XRCC4: variants seen among roughly 807,000 people sequenced by gnomAD.
The protein encoded by XRCC4 is X-ray repair cross complementing 4.
XRCC4 carries 28 observed loss-of-function variants against 39.1 expected under a neutral mutation model. The observed-to-expected ratio is 0.72, with a 90% CI of 0.53 to 0.98. XRCC4 has a LOEUF of 0.98. XRCC4 is among the 50% of genes least tolerant of loss of function. XRCC4 has a pLI of 0.00. For synonymous variants in XRCC4, 123 were observed against 126.4 expected, an observed-to-expected ratio of 0.97 and a Z score of 0.18; for missense variants, 350 against 376.4, an observed-to-expected ratio of 0.93 and a Z score of 0.58.
At position 83,111,062 on chromosome 5, in the gene XRCC4, C is replaced by T. The variant is rs1220566267; in HGVS notation, c.174C>T (p.Asp58=). The part of the protein sequence containing the change: ...SESEISQEAD[D]MAMEKGKYVG... The stretch of plus-strand genomic sequence containing the variant: ...CAGAGATTTCCCAAGAAGCTGATGA[C>T]ATGGCAATGGAAAAAGGGAAATATG... The change falls in exon 3 of 8, where the codon GAC becomes GAT. Residue 58 remains aspartate (D), a synonymous_variant. Coordinates refer to ENST00000396027, the MANE Select transcript of XRCC4 (RefSeq NM_003401.5). 7 of 1,609,754 alleles carry T rather than the reference C, an allele frequency of 4.3e-6. No homozygotes were observed. The highest frequency in any genetic ancestry group is 1.3e-5 in the African/African-American group (1 of 74,620).
At chr5:83,252,041 A>T (rs1753340699) in intron 6 of XRCC4, among the ~76,000 whole-genome samples, 1 of 152,218 alleles carries the variant, frequency 6.6e-6, no homozygotes, top group Non-Finnish European at 1.5e-5. Context: ...TACTACCTCA[A>T]GATAGGTAAC....
the XRCC4 span, among the ~76,000 whole-genome samples, chr5:83,364,442 A>G: frequency 6.6e-6 from 1 of 152,162 alleles, no homozygotes; most frequent in Admixed American, 6.5e-5. Context: ...AATACTAAAA[A>G]AAAATCTTTT....
At chr5:83,247,732 T>G (rs57088418) in intron 6 of XRCC4, among the ~76,000 whole-genome samples, 3,972 of 152,258 alleles carry the variant, frequency 0.026, 138 homozygotes, top group African/African-American at 0.082. Context: ...TGGTATTTAT[T>G]AAATATTTAT....
chr5:83,370,868 C>G, the XRCC4 span, among the ~76,000 whole-genome samples: 1 of 152,186 alleles, frequency 6.6e-6, no homozygotes, highest in Non-Finnish European at 1.5e-5. Flanking sequence ...CTTCCTCTAA[C>G]TCTGCCCCAT....
chr5:83,362,307 A>C, the XRCC4 span, among the ~76,000 whole-genome samples: 13 of 151,118 alleles, frequency 8.6e-5, no homozygotes, highest in African/African-American at 2.7e-4. Context: ...AAAAAAAAAA[A>C]AAAAAAAAAA....
chr5:83,099,111 T>C (rs1745809734), intron 1 of XRCC4, among the ~76,000 whole-genome samples: 1 of 152,208 alleles, frequency 6.6e-6, no homozygotes, highest in African/African-American at 2.4e-5. Flanking sequence ...AATTACAGAC[T>C]ATTAACAGCA....
At chr5:83,123,419 C>T (rs949371084) in intron 3 of XRCC4, among the ~76,000 whole-genome samples, 12 of 151,636 alleles carry the variant, frequency 7.9e-5, no homozygotes, top group Non-Finnish European at 2.9e-5. Context: ...TTATTTTTCT[C>T]TTTATGTAAA....
rs1279830602 is a variant in XRCC4, at chr5:83,273,887, C to G, written c.893+15210C>G. ...CCTTGTTCTTTTTGCTTAGTATTGT[C>G]TTGGCTATATGGGCTCTTTTTTTTT... On this transcript the variant is annotated intron_variant, in intron 7 of 7. Coordinates refer to ENST00000396027, the MANE Select transcript of XRCC4 (RefSeq NM_003401.5). 3.3e-5 allele frequency among the ~76,000 whole-genome samples: 5 copies of G among 151,554 alleles called. No individual in the cohort carries two copies. The East Asian group carries it at 9.7e-4, about 29-fold the overall frequency.
intron 7 of XRCC4, among the ~76,000 whole-genome samples, chr5:83,282,331 G>A (rs1215828670): frequency 6.6e-6 from 1 of 152,034 alleles, no homozygotes; most frequent in Non-Finnish European, 1.5e-5. Context: ...AAAAAAAGAA[G>A]CAATGTAAAT....
At chr5:83,215,308 C>T (rs1462928779) in intron 6 of XRCC4, among the ~76,000 whole-genome samples, 1 of 151,988 alleles carries the variant, frequency 6.6e-6, no homozygotes, top group East Asian at 1.9e-4. Context: ...CACTGCAGTC[C>T]AGCCTGGGTG....
chr5:83,220,750 G>C (rs1297421858), intron 6 of XRCC4, among the ~76,000 whole-genome samples: 1 of 152,138 alleles, frequency 6.6e-6, no homozygotes, highest in Non-Finnish European at 1.5e-5. Context: ...AGGAGAGAGA[G>C]AAAGGATATA....
chr5:83,360,321 C>T, the XRCC4 span, among the ~76,000 whole-genome samples: 1 of 152,144 alleles, frequency 6.6e-6, no homozygotes, highest in East Asian at 1.9e-4. Context: ...CATCATTATA[C>T]TTTGCAAATA....
chr5:83,236,658 G>A (rs1323040337), intron 6 of XRCC4, among the ~76,000 whole-genome samples: 3 of 152,056 alleles, frequency 2.0e-5, no homozygotes, highest in African/African-American at 7.2e-5. Flanking sequence ...TCTGGGCAAA[G>A]ATTATTTGCA....
intron 3 of XRCC4, among the ~76,000 whole-genome samples, chr5:83,150,211 G>T (rs1257750854): frequency 2.0e-5 from 3 of 151,950 alleles, no homozygotes; most frequent in African/African-American, 7.2e-5. Flanking sequence ...TTTTTGTATT[G>T]TCTGTGTTTT....
intron 7 of XRCC4, among the ~76,000 whole-genome samples, chr5:83,296,233 C>T (rs961198304): frequency 6.6e-6 from 1 of 152,118 alleles, no homozygotes; most frequent in Non-Finnish European, 1.5e-5. Context: ...TGGAAGACTT[C>T]CAAAATGATC....
At chr5:83,101,761 A>G (rs1448609915) in intron 1 of XRCC4, among the ~76,000 whole-genome samples, 4 of 152,138 alleles carry the variant, frequency 2.6e-5, no homozygotes, top group Non-Finnish European at 5.9e-5. Context: ...GAAGTTTATC[A>G]GATTTCTAGA....
chr5:83,157,350 A>C (rs1034491506), intron 3 of XRCC4, among the ~76,000 whole-genome samples: 1 of 151,988 alleles, frequency 6.6e-6, no homozygotes, highest in Non-Finnish European at 1.5e-5. Context: ...AAGTTACTTC[A>C]TGTGTTTGTT....
the XRCC4 span, among the ~76,000 whole-genome samples, chr5:83,367,755 AT>A: frequency 8.3e-3 from 1,181 of 142,118 alleles, 2 homozygotes; most frequent in Middle Eastern, 0.011. Context: ...TACCCAGCTA[AT>A]TTTTTTTTTT....
intron 6 of XRCC4, among the ~76,000 whole-genome samples, chr5:83,228,627 GTT>G (rs1052235408): frequency 2.0e-5 from 3 of 151,960 alleles, no homozygotes; most frequent in Non-Finnish European, 4.4e-5. Flanking sequence ...AGATTGTTGT[GTT>G]TCTTTATTTG....
Sources: allele counts gnomAD v4.1 joint callset (sites outside exome capture counted in the v4.1 genomes callset), GRCh38; gene constraint gnomAD v4.1.1; transcripts MANE v1.5; gene names NCBI Gene and HGNC (gene_info 2026-07-23, HGNC 2026-07-21).